Variants in IFT52 observed in about 807,000 individuals in gnomAD.
IFT52 encodes intraflagellar transport protein 52 homolog.
IFT52 carries 44 observed loss-of-function variants against 54.4 expected under a neutral mutation model. The ratio of observed to expected loss-of-function variants is 0.81; its 90% confidence interval spans 0.63 to 1.04. IFT52 has a LOEUF of 1.04. IFT52 is among the 50% of genes least tolerant of loss of function. The pLI is 0.00. For missense variants in IFT52, 452 were observed against 523.6 expected (o/e 0.86, Z 1.33); for synonymous variants, 181 against 185.3 (o/e 0.98, Z 0.19).
chr20:43,599,131 AC>A (rs1288601650), intron 3 of IFT52, among the ~76,000 whole-genome samples: 1 of 152,220 alleles, frequency 6.6e-6, no homozygotes. Context: ...AGCAACTCCT[AC>A]CCACTGAGAC....
At chr20:43,607,323 C>T (rs1983002817) in intron 6 of IFT52, among the ~76,000 whole-genome samples, 1 of 151,498 alleles carries the variant, frequency 6.6e-6, no homozygotes, top group Non-Finnish European at 1.5e-5. Context: ...ACCCCCACCT[C>T]CCTCCCGGAC....
intron 3 of IFT52, among the ~76,000 whole-genome samples, chr20:43,598,954 C>T (rs1311575587): frequency 6.6e-6 from 1 of 151,948 alleles, no homozygotes; most frequent in East Asian, 1.9e-4. Context: ...CTGGGTGGTG[C>T]CATGGGGAAG....
At chr20:43,603,976 G>T in intron 4 of IFT52, 87 bp downstream of exon 4, 1 of 1,075,288 alleles carries the variant, frequency 9.3e-7, no homozygotes, top group South Asian at 1.4e-5. Flanking sequence ...TGGCATAATG[G>T]AAAAAGCCCT....
intron 10 of IFT52, among the ~76,000 whole-genome samples, chr20:43,631,826 A>G (rs1310286439): frequency 1.3e-5 from 2 of 151,802 alleles, no homozygotes; most frequent in Non-Finnish European, 2.9e-5. Flanking sequence ...ACTTTTGAAG[A>G]TAACTGCGTG....
At chr20:43,624,091 T>A (rs1600494517) in intron 10 of IFT52, 46 bp downstream of exon 10, 2 of 1,591,318 alleles carry the variant, frequency 1.3e-6, no homozygotes, top group Admixed American at 1.7e-5. Flanking sequence ...CCATTCTGAG[T>A]GTTTGGTTTG....
chr20:43,637,284 C>G (rs1568802017), intron 12 of IFT52, 31 bp downstream of exon 12: 4 of 1,254,520 alleles, frequency 3.2e-6, no homozygotes, highest in South Asian at 1.4e-5. Context: ...TTTTTTGAGA[C>G]AGAGTTTCAC....
chr20:43,642,188 C>T, intron 12 of IFT52: 1 of 274,964 alleles, frequency 3.6e-6, no homozygotes, highest in Non-Finnish European at 6.7e-6. Context: ...ATTTGATTTC[C>T]TACTGTTGCA....
intron 8 of IFT52, among the ~76,000 whole-genome samples, chr20:43,620,192 C>T (rs974517318): frequency 6.6e-6 from 1 of 151,902 alleles, no homozygotes; most frequent in Non-Finnish European, 1.5e-5. Context: ...GCTGGGATTA[C>T]AGCTTGAGCC....
intron 6 of IFT52, among the ~76,000 whole-genome samples, chr20:43,609,072 C>CAAA (rs1207411743): frequency 1.7e-5 from 2 of 120,762 alleles, no homozygotes; most frequent in Non-Finnish European, 3.5e-5. Flanking sequence ...CCTGTCTCTA[C>CAAA]AAAAAAAAAA....
chr20:43,621,546 T>A (rs1250489894), intron 9 of IFT52, among the ~76,000 whole-genome samples: 1 of 152,248 alleles, frequency 6.6e-6, no homozygotes, highest in Admixed American at 6.5e-5. Flanking sequence ...CACTGCAACC[T>A]CTGTCTCCTG....
rs186876788 is a variant in IFT52 at position 43,642,962 on chromosome 20, T to A, written c.1266+338T>A. The stretch of plus-strand genomic sequence containing the variant: ...TAGGCAGATCACCCGAGGTCAGGAG[T>A]TCGAGACCAGCCTGACCAACATGGT... On this transcript the variant is annotated intron_variant, in intron 13 of 13. Transcript: ENST00000373030. 6.7e-5 allele frequency among the ~76,000 whole-genome samples: 10 copies of A among 150,100 alleles called. No individual in the cohort carries two copies. The East Asian group carries it at 1.8e-3, about 27-fold the overall frequency.
rs537830551 is a variant in IFT52, at chr20:43,646,314, A to G, written c.1267-622A>G. Reference sequence around the variant, plus strand: ...GCAAAATTCAAGCTTAGGATTTCAGATGCTGAGTGGAAAGACCAATTAGGT... The same window carrying G: ...GCAAAATTCAAGCTTAGGATTTCAGGTGCTGAGTGGAAAGACCAATTAGGT... On this transcript the variant is annotated intron_variant, in intron 13 of 13. Transcript: ENST00000373030. Among the ~76,000 whole-genome samples, 108 of 152,256 alleles carry G rather than the reference A, an allele frequency of 7.1e-4. 1 individual carries two copies. In the South Asian group the frequency reaches 0.019, roughly 27 times the overall value.
chr20:43,600,245 C>T (rs1343080895), intron 3 of IFT52, among the ~76,000 whole-genome samples: 1 of 151,608 alleles, frequency 6.6e-6, no homozygotes, highest in Non-Finnish European at 1.5e-5. Flanking sequence ...AATCATGAGC[C>T]GTGTTGCTGT....
intron 7 of IFT52, among the ~76,000 whole-genome samples, chr20:43,615,125 A>G (rs1983759376): frequency 6.7e-6 from 1 of 150,000 alleles, no homozygotes; most frequent in African/African-American, 2.5e-5. Context: ...GCAGTGGCGC[A>G]ATCTTGGCTC....
At chr20:43,642,450 TAATC>T (rs1985976719) in intron 12 of IFT52, 25 bp from the exon 13 acceptor site, 1 of 1,605,828 alleles carries the variant, frequency 6.2e-7, no homozygotes, top group South Asian at 1.1e-5. Flanking sequence ...AGTTAAGAAT[TAATC>T]TAACTACTAC....
intron 3 of IFT52, among the ~76,000 whole-genome samples, chr20:43,597,741 A>G (rs535775829): frequency 9.2e-5 from 14 of 152,016 alleles, no homozygotes; most frequent in African/African-American, 3.1e-4. Context: ...TAAAAATACA[A>G]AAATTAGCCG....
At chr20:43,599,421 T>A (rs1982251855) in intron 3 of IFT52, among the ~76,000 whole-genome samples, 1 of 152,164 alleles carries the variant, frequency 6.6e-6, no homozygotes, top group South Asian at 2.1e-4. Context: ...ACACAAGTCC[T>A]TCGAGAGGCA....
chr20:43,622,660 A>T (rs923398116), intron 9 of IFT52, among the ~76,000 whole-genome samples: 24 of 145,926 alleles, frequency 1.6e-4, no homozygotes, highest in African/African-American at 5.8e-4. Flanking sequence ...TATATATTTT[A>T]TATGTAAATA....
At chr20:43,628,872 A>G (rs1165912520) in intron 10 of IFT52, among the ~76,000 whole-genome samples, 1 of 150,794 alleles carries the variant, frequency 6.6e-6, no homozygotes, top group African/African-American at 2.4e-5. Context: ...AAAAATTGCC[A>G]AAGAGATAGT....
Sources: gnomAD v4.1 joint callset for allele counts (sites outside exome capture counted in the v4.1 genomes callset) on GRCh38, gnomAD v4.1.1 for gene constraint, MANE v1.5 for transcripts, NCBI Gene and HGNC (gene_info 2026-07-23, HGNC 2026-07-21) for gene names.